The following ZSWIM5 variants were observed in gnomAD, a reference collection of about 807,000 sequenced individuals.
ZSWIM5 encodes zinc finger SWIM domain-containing protein 5.
ZSWIM5 carries 55 observed loss-of-function variants against 119.6 expected under a neutral mutation model. The observed-to-expected ratio is 0.46, with a 90% confidence interval of 0.37 to 0.58. The LOEUF is 0.58. Ranked by LOEUF, ZSWIM5 falls within the 20% of genes least tolerant of loss-of-function variation. The probability of loss-of-function intolerance (pLI) is 0.00; values close to 1 mark genes in which losing one functional copy is unlikely to be tolerated. For synonymous variants in ZSWIM5, 537 were observed against 606.9 expected (o/e 0.88, Z 1.69); for missense variants, 1,193 against 1,512.8 (o/e 0.79, Z 3.51).
chr1:45,162,577 A>T (rs972836540), intron 1 of ZSWIM5, among the ~76,000 whole-genome samples: 1 of 152,202 alleles, frequency 6.6e-6, no homozygotes, highest in Non-Finnish European at 1.5e-5. Context: ...TAGCCAAGGG[A>T]AGCGGAGACA....
At chr1:45,190,778 CTG>C (rs1646086737) in intron 1 of ZSWIM5, among the ~76,000 whole-genome samples, 1 of 151,990 alleles carries the variant, frequency 6.6e-6, no homozygotes. Flanking sequence ...GGATCAACAT[CTG>C]TGAAAGAACG....
At chr1:45,173,257 A>T (rs933199031) in intron 1 of ZSWIM5, among the ~76,000 whole-genome samples, 1 of 152,162 alleles carries the variant, frequency 6.6e-6, no homozygotes, top group African/African-American at 2.4e-5. Flanking sequence ...CAACATATGA[A>T]CTGAATATAT....
At chr1:45,046,177 T>C (rs1044465875) in intron 5 of ZSWIM5, among the ~76,000 whole-genome samples, 3 of 152,016 alleles carry the variant, frequency 2.0e-5, no homozygotes, top group Non-Finnish European at 4.4e-5. Context: ...CTGAAGAGCT[T>C]TGAGCTGTGA....
chr1:45,204,893 A>T (rs1284235693), intron 1 of ZSWIM5, among the ~76,000 whole-genome samples: 1 of 152,194 alleles, frequency 6.6e-6, no homozygotes, highest in African/African-American at 2.4e-5. Flanking sequence ...TAACCATTCC[A>T]CAAATCAGAA....
intron 1 of ZSWIM5, among the ~76,000 whole-genome samples, chr1:45,203,494 C>A (rs1310918482): frequency 6.6e-6 from 1 of 151,976 alleles, no homozygotes; most frequent in Non-Finnish European, 1.5e-5. Context: ...ATCTGAGGTT[C>A]TATCGTTTAG....
intron 1 of ZSWIM5, among the ~76,000 whole-genome samples, chr1:45,129,876 C>A (rs1416164627): frequency 6.6e-6 from 1 of 151,936 alleles, no homozygotes; most frequent in Non-Finnish European, 1.5e-5. Context: ...AGACTTGACA[C>A]CAAAAACATA....
chr1:45,201,494 C>A (rs1487431915), intron 1 of ZSWIM5, among the ~76,000 whole-genome samples: 2 of 151,844 alleles, frequency 1.3e-5, no homozygotes, highest in Non-Finnish European at 2.9e-5. Flanking sequence ...TTCATATAAC[C>A]CTCACCATAA....
intron 1 of ZSWIM5, among the ~76,000 whole-genome samples, chr1:45,122,052 T>C (rs1429386837): frequency 1.3e-5 from 2 of 152,226 alleles, no homozygotes; most frequent in Non-Finnish European, 1.5e-5. Flanking sequence ...TTGGCACCTA[T>C]TATCTATAGT....
chr1:45,035,664 T>C (rs746138315), intron 10 of ZSWIM5, 24 bp downstream of exon 10: 20 of 1,609,926 alleles, frequency 1.2e-5, no homozygotes, highest in African/African-American at 2.7e-5. Context: ...GTGGAGGCAA[T>C]TGGACTGGGA....
intron 2 of ZSWIM5, among the ~76,000 whole-genome samples, chr1:45,078,602 A>G (rs1645269337): frequency 6.6e-6 from 1 of 152,178 alleles, no homozygotes; most frequent in Admixed American, 6.5e-5. Context: ...CACCACCACC[A>G]GGACTGTGCT....
At chr1:45,054,018 C>T (rs958592787) in intron 4 of ZSWIM5, among the ~76,000 whole-genome samples, 4 of 152,102 alleles carry the variant, frequency 2.6e-5, no homozygotes, top group Non-Finnish European at 5.9e-5. Flanking sequence ...TACAGTGTCT[C>T]ATGCTTGTAA....
intron 7 of ZSWIM5, among the ~76,000 whole-genome samples, 171 bp from the exon 8 acceptor site, chr1:45,039,244 A>T (rs954403463): frequency 2.0e-5 from 3 of 152,182 alleles, no homozygotes; most frequent in Non-Finnish European, 4.4e-5. Flanking sequence ...CCAGCCAGCT[A>T]TAAGGTCACG....
intron 1 of ZSWIM5, among the ~76,000 whole-genome samples, chr1:45,177,783 C>T (rs1000158165): frequency 1.2e-4 from 19 of 152,066 alleles, no homozygotes; most frequent in African/African-American, 4.3e-4. Flanking sequence ...AAGCATTTCC[C>T]AGTCTAATGC....
chr1:45,047,606 G>A (rs1319166258), intron 5 of ZSWIM5, among the ~76,000 whole-genome samples: 1 of 152,196 alleles, frequency 6.6e-6, no homozygotes, highest in Non-Finnish European at 1.5e-5. Context: ...ATAATTTCTT[G>A]TTAATTCCTA....
At position 45,057,275 on chromosome 1, in the gene ZSWIM5, G is replaced by T. The variant is rs1464285000; in HGVS notation, c.1252+1334C>A. On this transcript the variant is annotated intron_variant, in intron 4 of 13. Coordinates refer to ENST00000359600, the MANE Select transcript of ZSWIM5 (RefSeq NM_020883.2). This position sits in a 1 kb window ranked among gnomAD's most constrained non-coding sequence, Gnocchi z 4.7. ...CTCCAGGTGATTCTGAAAGGTTTGA[G>T]AACCACTGTCTTAGCAGAATGCTGA... 6.6e-6 allele frequency among the ~76,000 whole-genome samples: 1 copy of T among 152,256 alleles called. No homozygotes were observed. Among genetic ancestry groups the T allele is most frequent in the African/African-American group, 2.4e-5 (1 of 41,470 alleles).
chr1:45,148,764 C>G (rs1645777757), intron 1 of ZSWIM5, among the ~76,000 whole-genome samples: 1 of 152,232 alleles, frequency 6.6e-6, no homozygotes, highest in Non-Finnish European at 1.5e-5. Context: ...CAAAGCTATA[C>G]ACAGTGATAG....
At chr1:45,151,632 G>A (rs927965377) in intron 1 of ZSWIM5, among the ~76,000 whole-genome samples, 4 of 152,034 alleles carry the variant, frequency 2.6e-5, no homozygotes, top group Non-Finnish European at 5.9e-5. Flanking sequence ...GTGGGATTAG[G>A]AAGGCCCGAC....
intron 1 of ZSWIM5, among the ~76,000 whole-genome samples, chr1:45,147,373 G>A (rs973349520): frequency 6.6e-6 from 1 of 151,960 alleles, no homozygotes; most frequent in South Asian, 2.1e-4. Context: ...ACTAATTCAA[G>A]AGACAATTTT....
intron 11 of ZSWIM5, among the ~76,000 whole-genome samples, chr1:45,025,841 T>C (rs1381315838): frequency 6.6e-6 from 1 of 152,228 alleles, no homozygotes; most frequent in African/African-American, 2.4e-5. Flanking sequence ...GACCTTAAGA[T>C]GGGTTTATTG....
Sources: allele counts gnomAD v4.1 joint callset (sites outside exome capture counted in the v4.1 genomes callset), GRCh38; gene constraint gnomAD v4.1.1; non-coding constraint Gnocchi (gnomAD v3.1); transcripts MANE v1.5; gene names NCBI Gene and HGNC (gene_info 2026-07-23, HGNC 2026-07-21).